The following MACROD2 variants were observed in gnomAD, a reference collection of about 807,000 sequenced individuals.
The protein encoded by MACROD2 is mono-ADP ribosylhydrolase 2, also known as ADP-ribose glycohydrolase MACROD2.
MACROD2 carries 36 observed loss-of-function variants against 70.4 expected under a neutral mutation model. That is an observed-to-expected ratio of 0.51 (90% CI 0.39 to 0.68). The LOEUF is 0.68. Ranked by LOEUF, MACROD2 falls within the 30% of genes least tolerant of loss-of-function variation. MACROD2 has a pLI of 0.00. For synonymous variants in MACROD2, 172 were observed against 178.8 expected, an observed-to-expected ratio of 0.96 and a Z score of 0.30; for missense variants, 496 against 538.4, an observed-to-expected ratio of 0.92 and a Z score of 0.78.
At chr20:15,992,326 T>C (rs1398590860) in intron 15 of MACROD2, among the ~76,000 whole-genome samples, 1 of 152,220 alleles carries the variant, frequency 6.6e-6, no homozygotes, top group East Asian at 1.9e-4. Flanking sequence ...AAATCTATCA[T>C]TCCTTCCAAT....
intron 3 of MACROD2, among the ~76,000 whole-genome samples, chr20:14,118,888 C>G (rs1569166442): frequency 6.7e-6 from 1 of 148,256 alleles, no homozygotes; most frequent in Non-Finnish European, 1.5e-5. Flanking sequence ...CTCTCTTACC[C>G]AGATTGGAGT....
chr20:14,686,793 A>G (rs1172782229), intron 5 of MACROD2, among the ~76,000 whole-genome samples: 10 of 152,176 alleles, frequency 6.6e-5, no homozygotes, highest in Admixed American at 6.6e-4. Context: ...ATGATTGTAT[A>G]TCAACTATAT....
chr20:14,045,323 G>A (rs1172208237), intron 2 of MACROD2, among the ~76,000 whole-genome samples: 2 of 152,226 alleles, frequency 1.3e-5, no homozygotes, highest in South Asian at 2.1e-4. Flanking sequence ...GGCTGCCAGG[G>A]CTGCCAGCAT....
At chr20:15,717,425 A>C (rs2050722480) in intron 8 of MACROD2, among the ~76,000 whole-genome samples, 1 of 152,252 alleles carries the variant, frequency 6.6e-6, no homozygotes, top group Non-Finnish European at 1.5e-5. Flanking sequence ...GGTGGATGGA[A>C]CTATGTATTC....
chr20:14,176,806 A>G (rs889114758), intron 3 of MACROD2, among the ~76,000 whole-genome samples: 5 of 152,248 alleles, frequency 3.3e-5, no homozygotes, highest in African/African-American at 7.2e-5. Flanking sequence ...AAATAATACA[A>G]CCATAATTCT....
At chr20:15,341,615 A>G (rs2146207822) in intron 6 of MACROD2, among the ~76,000 whole-genome samples, 1 of 152,356 alleles carries the variant, frequency 6.6e-6, no homozygotes, top group South Asian at 2.1e-4. Flanking sequence ...TGAATTGAAG[A>G]CTTATTCACT....
At chr20:14,104,577 G>C (rs996731057) in intron 3 of MACROD2, among the ~76,000 whole-genome samples, 1 of 152,180 alleles carries the variant, frequency 6.6e-6, no homozygotes, top group Admixed American at 6.5e-5. Flanking sequence ...TTGGTTCTTG[G>C]AGTTCACTCA....
At chr20:15,995,868 TG>T (rs2066624548) in intron 15 of MACROD2, among the ~76,000 whole-genome samples, 1 of 151,502 alleles carries the variant, frequency 6.6e-6, no homozygotes, top group East Asian at 1.9e-4. Flanking sequence ...GGTGTGTGTG[TG>T]TGTGTGTGTA....
intron 5 of MACROD2, among the ~76,000 whole-genome samples, chr20:15,082,523 G>GTTTTTT: frequency 9.8e-6 from 1 of 101,746 alleles, no homozygotes; most frequent in Non-Finnish European, 1.9e-5. Context: ...ACTGCAAGAG[G>GTTTTTT]TTTTTTTTTT....
intron 5 of MACROD2, among the ~76,000 whole-genome samples, chr20:14,782,355 C>A (rs569640486): frequency 2.0e-5 from 3 of 152,164 alleles, no homozygotes; most frequent in Non-Finnish European, 2.9e-5. Flanking sequence ...CCTTAACTAT[C>A]TATTCAGAAA....
At chr20:14,583,967 C>T (rs1004322048) in intron 4 of MACROD2, among the ~76,000 whole-genome samples, 2 of 152,098 alleles carry the variant, frequency 1.3e-5, no homozygotes, top group African/African-American at 2.4e-5. Flanking sequence ...TTGTGTTACC[C>T]GGCATGAGGG....
At chr20:14,057,896 C>T (rs770563558) in intron 2 of MACROD2, among the ~76,000 whole-genome samples, 1 of 152,052 alleles carries the variant, frequency 6.6e-6, no homozygotes, top group Non-Finnish European at 1.5e-5. Flanking sequence ...TTACATGAAC[C>T]GATGTTGATC....
intron 4 of MACROD2, among the ~76,000 whole-genome samples, chr20:14,583,055 T>C (rs1033091589): frequency 9.5e-6 from 1 of 105,182 alleles, no homozygotes; most frequent in Non-Finnish European, 2.1e-5. Flanking sequence ...ATTTCCAGGC[T>C]CAGGAACTAA....
chr20:14,392,532 T>G (rs1295976203), intron 3 of MACROD2, among the ~76,000 whole-genome samples: 2 of 152,200 alleles, frequency 1.3e-5, no homozygotes, highest in African/African-American at 4.8e-5. Flanking sequence ...ATACTTGATT[T>G]CAAAATATAT....
At chr20:14,758,201 T>G (rs1195195545) in intron 5 of MACROD2, 5 of 264,358 alleles carry the variant, frequency 1.9e-5, no homozygotes, top group Non-Finnish European at 3.0e-5. Context: ...TCTCCTTTGC[T>G]GCGTATTTCT....
intron 8 of MACROD2, among the ~76,000 whole-genome samples, chr20:15,786,306 A>G (rs963821715): frequency 6.6e-6 from 1 of 152,158 alleles, no homozygotes; most frequent in Non-Finnish European, 1.5e-5. Flanking sequence ...AGAATGAGAA[A>G]ACATGAGTTG....
At chr20:15,002,150 A>G (rs979566325) in intron 5 of MACROD2, among the ~76,000 whole-genome samples, 2 of 152,228 alleles carry the variant, frequency 1.3e-5, no homozygotes, top group Non-Finnish European at 2.9e-5. Flanking sequence ...TTACTGGATC[A>G]AATGGTAGAT....
intron 6 of MACROD2, among the ~76,000 whole-genome samples, chr20:15,300,133 CT>C (rs200012147): frequency 1.5e-4 from 23 of 149,170 alleles, no homozygotes; most frequent in Admixed American, 2.7e-4. Context: ...CAATTACTGA[CT>C]TTTTTTTTTA....
At chr20:15,113,783 T>A (rs1030752883) in intron 5 of MACROD2, among the ~76,000 whole-genome samples, 5 of 148,796 alleles carry the variant, frequency 3.4e-5, no homozygotes, top group Admixed American at 3.3e-4. Context: ...TGTGTGTGTG[T>A]GTGTGTGTGT....
Sources: allele counts gnomAD v4.1 joint callset (sites outside exome capture counted in the v4.1 genomes callset), GRCh38; gene constraint gnomAD v4.1.1; transcripts MANE v1.5; gene names NCBI Gene and HGNC (gene_info 2026-07-23, HGNC 2026-07-21).